MMP16: variants seen among roughly 807,000 people sequenced by gnomAD.
MMP16 encodes matrix metalloproteinase-16.
In MMP16, 12 loss-of-function variants were observed where a neutral mutation model predicts 67.8. The ratio of observed to expected loss-of-function variants is 0.18; its 90% confidence interval spans 0.11 to 0.29. The LOEUF (loss-of-function observed/expected upper bound fraction) is 0.29, where lower values mean the gene tolerates loss of function less well. Ranked by LOEUF, MMP16 falls within the 10% of genes least tolerant of loss-of-function variation. The probability of loss-of-function intolerance (pLI) is 1.00; values close to 1 mark genes in which losing one functional copy is unlikely to be tolerated. For synonymous variants in MMP16, 249 were observed against 255.9 expected (o/e 0.97, Z 0.26); for missense variants, 475 against 765.7 (o/e 0.62, Z 4.48).
chr8:88,282,168 G>A (rs1001333797), intron 1 of MMP16, among the ~76,000 whole-genome samples: 4 of 148,748 alleles, frequency 2.7e-5, no homozygotes, highest in East Asian at 2.0e-4. Flanking sequence ...TCCGCCTCCC[G>A]GACTCAAGCG....
intron 1 of MMP16, among the ~76,000 whole-genome samples, chr8:88,274,552 T>C (rs776477279): frequency 5.9e-5 from 9 of 152,030 alleles, no homozygotes; most frequent in Non-Finnish European, 8.8e-5. Context: ...TAAAAAGAAA[T>C]GCATTGAATA....
At chr8:88,061,912 A>G (rs1808404595) in intron 7 of MMP16, among the ~76,000 whole-genome samples, 1 of 151,514 alleles carries the variant, frequency 6.6e-6, no homozygotes, top group African/African-American at 2.4e-5. Flanking sequence ...TTAACCTGCT[A>G]GGAAAAATGT....
intron 1 of MMP16, among the ~76,000 whole-genome samples, chr8:88,215,766 T>C (rs748637255): frequency 6.6e-6 from 1 of 152,112 alleles, no homozygotes; most frequent in Non-Finnish European, 1.5e-5. Flanking sequence ...CCCCTAAATC[T>C]CAGGAAATAG....
At chr8:88,262,685 T>A (rs1810404992) in intron 1 of MMP16, among the ~76,000 whole-genome samples, 1 of 151,862 alleles carries the variant, frequency 6.6e-6, no homozygotes, top group Non-Finnish European at 1.5e-5. Flanking sequence ...TTCAAGTAAT[T>A]GGCAATTTTG....
intron 7 of MMP16, among the ~76,000 whole-genome samples, chr8:88,061,127 TACACACACAC>T (rs149547108): frequency 0.14 from 20,504 of 143,016 alleles, 1,523 homozygotes; most frequent in Non-Finnish European, 0.18. Flanking sequence ...CTGAATATTA[TACACACACAC>T]ACACACACAC....
intron 7 of MMP16, among the ~76,000 whole-genome samples, chr8:88,063,852 T>C (rs1808432098): frequency 6.6e-6 from 1 of 152,102 alleles, no homozygotes; most frequent in Non-Finnish European, 1.5e-5. Flanking sequence ...TCACCTAACA[T>C]TTTTAATGGG....
Position 88,074,683 on chromosome 8 carries a change from T to G in MMP16, c.1144A>C (p.Thr382Pro). ...RVMDGYPMQITYFWRGLPPSI... is the reference protein window; with the variant it reads ...RVMDGYPMQIPYFWRGLPPSI... ...GGAGGCAAGCCCCGCCAGAAGTAAG[T>G]AATTTGCATTGGGTATCCATCCATC... The change falls in exon 7 of 10, where the codon ACT becomes CCT. Residue 382 changes from threonine (T) to proline (P), a missense_variant. By Grantham distance (38) the Thr-to-Pro change is conservative (BLOSUM62 -1). Around this residue, in one of 5 missense-constraint regions of MMP16, gnomAD observed 195 missense variants for 300.9 expected, o/e 0.65. Transcript: ENST00000286614. 2 of 1,613,786 alleles carry G rather than the reference T, an allele frequency of 1.2e-6. No homozygotes were observed. Among genetic ancestry groups the G allele is most frequent in the South Asian group, 2.2e-5 (2 of 91,074 alleles).
rs533741324 is a variant in MMP16 at position 88,132,261 on chromosome 8, G to A, written c.710-13400C>T. 1.3e-4 allele frequency among the ~76,000 whole-genome samples: 20 copies of A among 151,872 alleles called. No homozygotes were observed. The South Asian group carries it at 3.1e-3, about 24-fold the overall frequency. ...CCCTTGGAAAGACTCTTTAAAATAC[G>A]ATTTTTCAATTGTACTTCATAAACA... On this transcript the variant is annotated intron_variant, in intron 4 of 9. Coordinates refer to ENST00000286614, the MANE Select transcript of MMP16 (RefSeq NM_005941.5).
At chr8:88,076,783 A>C (rs1808659062) in intron 6 of MMP16, among the ~76,000 whole-genome samples, 2 of 152,194 alleles carry the variant, frequency 1.3e-5, no homozygotes, top group African/African-American at 4.8e-5. Context: ...TGTATATGCC[A>C]AAATAATTAG....
rs959816995 is a variant in MMP16 at position 88,033,866 on chromosome 8, A to G, written c.*7595T>C. ...ATATGTAATTTACACTTACAGAGAA[A>G]TAGACCAAAGGATGAAGGTTTTAGG... On this transcript the variant is annotated 3_prime_UTR_variant, in exon 10 of 10. Coordinates refer to ENST00000286614, the MANE Select transcript of MMP16 (RefSeq NM_005941.5). 7 of 152,074 alleles carry G rather than the reference A, an allele frequency of 4.6e-5. 1 individual carries two copies. In the South Asian group the frequency reaches 1.4e-3, roughly 31 times the overall value. The allele number at this position is 152,074 out of a possible 1,614,324, so 9.4% of individuals were successfully genotyped here.
At chr8:88,226,094 C>T (rs1237339722) in intron 1 of MMP16, among the ~76,000 whole-genome samples, 4 of 151,926 alleles carry the variant, frequency 2.6e-5, no homozygotes. Flanking sequence ...AACAAATAGA[C>T]TGTCGTGTGT....
intron 1 of MMP16, among the ~76,000 whole-genome samples, chr8:88,249,596 A>G (rs1810173887): frequency 6.6e-6 from 1 of 152,132 alleles, no homozygotes. Flanking sequence ...CCAGTGTTAG[A>G]AACCACATTT....
intron 7 of MMP16, among the ~76,000 whole-genome samples, chr8:88,059,608 C>T (rs1808371762): frequency 6.6e-6 from 1 of 151,982 alleles, no homozygotes; most frequent in Admixed American, 6.6e-5. Context: ...ATTTCAATTC[C>T]TAACTCTCAC....
chr8:88,317,816 C>T (rs1479744766), intron 1 of MMP16, among the ~76,000 whole-genome samples: 1 of 151,974 alleles, frequency 6.6e-6, no homozygotes, highest in African/African-American at 2.4e-5. Flanking sequence ...GGTCAACCAC[C>T]ATATTGGAGT....
At chr8:88,132,645 T>G (rs1187660668) in intron 4 of MMP16, among the ~76,000 whole-genome samples, 1 of 151,934 alleles carries the variant, frequency 6.6e-6, no homozygotes, top group Non-Finnish European at 1.5e-5. Context: ...AAAGACTGCC[T>G]GCACTGGAAC....
At chr8:88,322,674 AAAAAAAAAAAAG>A (rs1811478630) in intron 1 of MMP16, among the ~76,000 whole-genome samples, 1 of 150,106 alleles carries the variant, frequency 6.7e-6, no homozygotes. Flanking sequence ...ATGAAAATTA[AAAAAAAAAAAAG>A]AAAAAAGAAA....
rs546635121 is a variant in MMP16, at chr8:88,199,003, T to C, written c.133-1697A>G. Among the ~76,000 whole-genome samples, 18 of 152,202 alleles carry C rather than the reference T, an allele frequency of 1.2e-4. No homozygotes were observed. In the East Asian group the frequency reaches 3.1e-3, roughly 26 times the overall value. On this transcript the variant is annotated intron_variant, in intron 1 of 9. Transcript: ENST00000286614. ...GTCAATACCTATTGTTAACGTAATGTCTCAAAATTAGAACGTTGTATCTTG... is the reference window on the plus strand; with the variant it reads ...GTCAATACCTATTGTTAACGTAATGCCTCAAAATTAGAACGTTGTATCTTG...
At chr8:88,194,907 T>G (rs1383057659) in intron 2 of MMP16, among the ~76,000 whole-genome samples, 3 of 152,072 alleles carry the variant, frequency 2.0e-5, no homozygotes, top group Non-Finnish European at 4.4e-5. Context: ...TCCCTTTGAT[T>G]TTAAATTATG....
chr8:88,175,575 T>TCAA (rs1808874158), intron 3 of MMP16, among the ~76,000 whole-genome samples: 1 of 152,202 alleles, frequency 6.6e-6, no homozygotes, highest in Non-Finnish European at 1.5e-5. Flanking sequence ...ATTTGTCTGG[T>TCAA]AAATTAAAAG....
Sources: allele counts gnomAD v4.1 joint callset (sites outside exome capture counted in the v4.1 genomes callset), GRCh38; gene constraint gnomAD v4.1.1; regional missense constraint gnomAD v4.1.1; transcripts MANE v1.5; gene names NCBI Gene and HGNC (gene_info 2026-07-23, HGNC 2026-07-21).